The following COL25A1 variants were observed in gnomAD, a reference collection of about 807,000 sequenced individuals.
COL25A1 encodes collagen alpha-1(XXV) chain.
Under a neutral mutation model 128.4 loss-of-function variants are expected in COL25A1, and 103 were observed. The ratio of observed to expected loss-of-function variants is 0.80; its 90% confidence interval spans 0.68 to 0.94. The LOEUF is 0.94. COL25A1 is among the 40% of genes least tolerant of loss of function. The pLI is 0.00. For synonymous variants in COL25A1, 279 were observed against 277.2 expected, an observed-to-expected ratio of 1.01 and a Z score of -0.06; for missense variants, 745 against 840.0, an observed-to-expected ratio of 0.89 and a Z score of 1.40.
intron 3 of COL25A1, among the ~76,000 whole-genome samples, chr4:109,214,124 G>A (rs1031838883): frequency 3.3e-5 from 5 of 152,128 alleles, no homozygotes; most frequent in African/African-American, 7.2e-5. Flanking sequence ...AGTATGATAC[G>A]TGATTATGAA....
At chr4:109,113,894 T>C (rs1317984) in intron 3 of COL25A1, among the ~76,000 whole-genome samples, 131,242 of 152,106 alleles carry the variant, frequency 0.86, 56,782 homozygotes, top group East Asian at 1. Flanking sequence ...TTAGCATCCC[T>C]AAGTGTCCAG....
At chr4:109,275,197 TGCATGTA>T (rs1055225728) in intron 3 of COL25A1, among the ~76,000 whole-genome samples, 1 of 152,150 alleles carries the variant, frequency 6.6e-6, no homozygotes, top group Non-Finnish European at 1.5e-5. Flanking sequence ...GAAGAAGGCG[TGCATGTA>T]GCATGGCTGG....
chr4:108,935,213 GAC>G (rs1001443246), intron 11 of COL25A1, among the ~76,000 whole-genome samples: 4 of 152,180 alleles, frequency 2.6e-5, no homozygotes, highest in Non-Finnish European at 4.4e-5. Flanking sequence ...AAAGAAGCCA[GAC>G]ACAAAAGTGT....
At chr4:109,149,580 ATATGT>A (rs979708999) in intron 3 of COL25A1, among the ~76,000 whole-genome samples, 3 of 152,156 alleles carry the variant, frequency 2.0e-5, no homozygotes, top group Non-Finnish European at 4.4e-5. Flanking sequence ...TAAGGATAAT[ATATGT>A]TATGTCACTG....
chr4:109,231,397 C>T (rs1272701320), intron 3 of COL25A1, among the ~76,000 whole-genome samples: 1 of 152,132 alleles, frequency 6.6e-6, no homozygotes, highest in African/African-American at 2.4e-5. Flanking sequence ...TCAACTTCCT[C>T]ATTTTACATA....
rs148073837 is a variant in COL25A1, at chr4:109,045,193, T to C, written c.420+2975A>G. On this transcript the variant is annotated intron_variant, in intron 5 of 37. Transcript: ENST00000399132. ...TGTAATACATACAACATATAAAATG[T>C]ATATTAATTAACCATTTGTGTTATC... 1.1e-4 allele frequency among the ~76,000 whole-genome samples: 16 copies of C among 152,324 alleles called. No individual in the cohort carries two copies. The East Asian group carries it at 2.9e-3, about 28-fold the overall frequency.
chr4:108,985,901 G>A (rs1292739034), intron 6 of COL25A1, among the ~76,000 whole-genome samples: 1 of 152,112 alleles, frequency 6.6e-6, no homozygotes, highest in Non-Finnish European at 1.5e-5. Context: ...ACTATCATCA[G>A]CTCAAATTCA....
At chr4:109,015,790 T>G (rs905613566) in intron 5 of COL25A1, among the ~76,000 whole-genome samples, 1 of 152,258 alleles carries the variant, frequency 6.6e-6, no homozygotes, top group African/African-American at 2.4e-5. Flanking sequence ...TAAGCCACAA[T>G]GGAACATGAT....
intron 3 of COL25A1, among the ~76,000 whole-genome samples, chr4:109,109,023 T>C (rs1057029288): frequency 3.3e-5 from 5 of 152,186 alleles, no homozygotes; most frequent in Admixed American, 6.5e-5. Flanking sequence ...ATACTTTATA[T>C]ACACTTTAAA....
At chr4:109,192,153 G>A (rs987673554) in intron 3 of COL25A1, among the ~76,000 whole-genome samples, 6 of 152,186 alleles carry the variant, frequency 3.9e-5, no homozygotes, top group African/African-American at 1.4e-4. Flanking sequence ...AGGGTATGTG[G>A]AGGAGCAGTG....
In COL25A1 at chr4:108,827,223, A is replaced by G. The variant is rs1732503580; in HGVS notation, c.1711-35T>C. 7 of 1,554,362 alleles carry G rather than the reference A, an allele frequency of 4.5e-6. No homozygotes were observed. The East Asian group carries it at 1.6e-4, about 35-fold the overall frequency. ...AAAGTAGAAAGTTCAAATCATACAC[A>G]CCCACCTACATTCACACACTTTCTC... On this transcript the variant is annotated intron_variant, in intron 32 of 37. Transcript: ENST00000399132.
intron 3 of COL25A1, among the ~76,000 whole-genome samples, chr4:109,127,379 G>A (rs1186201331): frequency 6.6e-6 from 1 of 152,180 alleles, no homozygotes; most frequent in Non-Finnish European, 1.5e-5. Flanking sequence ...GTATGCAACA[G>A]TATGCCAAAG....
chr4:109,141,884 G>A (rs1259126809), intron 3 of COL25A1, among the ~76,000 whole-genome samples: 1 of 152,066 alleles, frequency 6.6e-6, no homozygotes, highest in East Asian at 1.9e-4. Flanking sequence ...CCAGTTCCTG[G>A]ATTAACTGAT....
intron 6 of COL25A1, among the ~76,000 whole-genome samples, chr4:108,984,902 T>C (rs13129783): frequency 0.67 from 101,413 of 152,140 alleles, 34,249 homozygotes; most frequent in Non-Finnish European, 0.73. Context: ...ACTGCCAGCA[T>C]GCTGTCACCT....
rs190869222 is a variant in COL25A1, at chr4:108,852,758, G to A, written c.1344+144C>T. On this transcript the variant is annotated intron_variant, in intron 25 of 37. Coordinates refer to ENST00000399132, the MANE Select transcript of COL25A1 (RefSeq NM_198721.4). ...AAGCAGACAAAGTGATTCAACTGGA[G>A]CAAATGTAAAAGATTATTAATACAA... The A allele has an allele frequency of 6.4e-4, 420 of 657,120 alleles. 2 individuals are homozygous for A. The African/African-American group carries it at 7.1e-3, about 11-fold the overall frequency. 40.7% of individuals were successfully genotyped at this position (657,120 alleles called of 1,614,324 possible).
rs1245011895 is a variant in COL25A1, at chr4:108,889,706, T to C, written c.934A>G (p.Ile312Val). ...KGDPGSSAAGIKGEPGESGRP... is the reference protein window; with the variant it reads ...KGDPGSSAAGVKGEPGESGRP... ...ACTTGCAAGGTTATAGTTACCTTAA[T>C]TCCTGCAGCAGATGATCCAGGGTCA... is the stretch of plus-strand genomic sequence containing the variant. The change falls in exon 17 of 38, where the codon ATT becomes GTT. Residue 312 changes from isoleucine (I) to valine (V), a missense_variant. This residue lies in a region of COL25A1 where 387 missense variants were observed against 441.9 expected (regional missense o/e 0.88). Coordinates refer to ENST00000399132, the MANE Select transcript of COL25A1 (RefSeq NM_198721.4). The C allele has an allele frequency of 1.9e-6, 3 of 1,613,398 alleles. No individual in the cohort carries two copies. The highest frequency in any genetic ancestry group is 2.7e-5 in the African/African-American group (2 of 74,870).
At chr4:109,287,547 C>T (rs1406055303) in intron 3 of COL25A1, among the ~76,000 whole-genome samples, 2 of 152,136 alleles carry the variant, frequency 1.3e-5, no homozygotes, top group African/African-American at 2.4e-5. Context: ...CCCTCCTCTA[C>T]CTAGTAGTAG....
At chr4:109,163,104 C>T (rs1240445152) in intron 3 of COL25A1, among the ~76,000 whole-genome samples, 3 of 152,074 alleles carry the variant, frequency 2.0e-5, no homozygotes, top group Non-Finnish European at 2.9e-5. Flanking sequence ...GCTCCGTTTC[C>T]CCCTCACTTC....
rs149211518 is a variant in COL25A1, at chr4:109,117,170, T to C, written c.368-66991A>G. Among the ~76,000 whole-genome samples the C allele has an allele frequency of 7.8e-3, 1,180 of 151,886 alleles. 5 individuals carry two copies. Among genetic ancestry groups the C allele is most frequent in the Non-Finnish European group, 0.012 (836 of 67,904 alleles). ...ACACATGAATACCAAGCAGGATAAA[T>C]GCCCCCACACTACACCTAGGTATAC... On this transcript the variant is annotated intron_variant, in intron 3 of 37. Transcript: ENST00000399132.
Sources: allele counts gnomAD v4.1 joint callset (sites outside exome capture counted in the v4.1 genomes callset), GRCh38; gene constraint gnomAD v4.1.1; regional missense constraint gnomAD v4.1.1; transcripts MANE v1.5; gene names NCBI Gene and HGNC (gene_info 2026-07-23, HGNC 2026-07-21).